RALGAPA1: variants seen among roughly 807,000 people sequenced by gnomAD.
RALGAPA1 encodes Ral GTPase activating protein catalytic subunit alpha 1.
A neutral mutation model predicts 269.6 loss-of-function variants in RALGAPA1; 52 were observed. That is an observed-to-expected ratio of 0.19 (90% CI 0.15 to 0.24). The LOEUF (loss-of-function observed/expected upper bound fraction) is 0.24, where lower values mean the gene tolerates loss of function less well. Ranked by LOEUF, RALGAPA1 falls within the 10% of genes least tolerant of loss-of-function variation. The pLI is 1.00. For synonymous variants in RALGAPA1, 817 were observed against 1,008.3 expected, an observed-to-expected ratio of 0.81 and a Z score of 3.60; for missense variants, 1,917 against 3,013.9, an observed-to-expected ratio of 0.64 and a Z score of 8.52.
At chr14:35,633,954 A>G (rs1354894055) in intron 33 of RALGAPA1, among the ~76,000 whole-genome samples, 2 of 152,166 alleles carry the variant, frequency 1.3e-5, no homozygotes, top group Non-Finnish European at 2.9e-5. Context: ...AGGGCTTTAC[A>G]TATATTATCT....
In RALGAPA1 at chr14:35,758,282, A is replaced by G. The variant is rs116082868; in HGVS notation, c.548-1374T>C. Among the ~76,000 whole-genome samples, 747 of 151,324 alleles carry G rather than the reference A, an allele frequency of 4.9e-3. 9 individuals are homozygous for G. Among genetic ancestry groups the G allele is most frequent in the African/African-American group, 0.017 (697 of 41,332 alleles). ...AAAAAAAAAACAAACCGAAAAGAAA[A>G]GAAGTAAGAAAATACAAACTTTATC... On this transcript the variant is annotated intron_variant, in intron 6 of 41. Coordinates refer to ENST00000680220, the MANE Select transcript of RALGAPA1 (RefSeq NM_001346249.2).
intron 35 of RALGAPA1, among the ~76,000 whole-genome samples, chr14:35,620,215 T>C (rs919465823): frequency 1.3e-5 from 2 of 152,030 alleles, no homozygotes; most frequent in African/African-American, 4.8e-5. Context: ...CATACGCAAA[T>C]CAATAAACGT....
intron 10 of RALGAPA1, among the ~76,000 whole-genome samples, chr14:35,743,247 A>T (rs1312579870): frequency 6.6e-6 from 1 of 152,262 alleles, no homozygotes; most frequent in East Asian, 1.9e-4. Flanking sequence ...ATCGTATTAT[A>T]AAATGTGAGA....
rs117454909 is a variant in RALGAPA1, at chr14:35,771,013, T to G, written c.268-14A>C. On this transcript the variant is annotated splice_polypyrimidine_tract_variant and intron_variant, in intron 3 of 41. Transcript: ENST00000680220. ...TTGTAAAATTTTCTAAAAATCAATA[T>G]AAAGAGAAAAAAAGAAAAGAATAAA... 15,366 of 1,195,354 alleles carry G rather than the reference T, an allele frequency of 0.013. 140 individuals carry two copies. The highest frequency in any genetic ancestry group is 0.014 in the Non-Finnish European group (12,057 of 842,762). 74.0% of individuals were successfully genotyped at this position (1,195,354 alleles called of 1,614,324 possible).
intron 35 of RALGAPA1, among the ~76,000 whole-genome samples, chr14:35,615,932 T>C (rs2060223117): frequency 6.6e-6 from 1 of 152,040 alleles, no homozygotes; most frequent in Non-Finnish European, 1.5e-5. Flanking sequence ...AAAGATTATG[T>C]TAGTGGTCAG....
At chr14:35,715,659 A>T in intron 16 of RALGAPA1, 1 of 893,148 alleles carries the variant, frequency 1.1e-6, no homozygotes, top group Non-Finnish European at 1.3e-6. Flanking sequence ...GAATTACTCC[A>T]GAGGTAATTT....
chr14:35,696,600 T>A (rs1337404305), intron 17 of RALGAPA1, among the ~76,000 whole-genome samples: 5 of 127,828 alleles, frequency 3.9e-5, no homozygotes, highest in Admixed American at 7.1e-5. Context: ...TAGATTTTGG[T>A]ACGTTAAAAA....
At chr14:35,562,538 T>TTAAG (rs547882375) in intron 39 of RALGAPA1, among the ~76,000 whole-genome samples, 740 of 152,192 alleles carry the variant, frequency 4.9e-3, no homozygotes, top group African/African-American at 0.016. Flanking sequence ...ATACTACTGA[T>TTAAG]TAAGTAGTCA....
rs2066142899 is a variant in RALGAPA1 at position 35,688,361 on chromosome 14, C to T, written c.3952+98G>A. On this transcript the variant is annotated intron_variant, in intron 18 of 41. Coordinates refer to ENST00000680220, the MANE Select transcript of RALGAPA1 (RefSeq NM_001346249.2). ...CAAACAGAGAGAAAGCAGTGACCAT[C>T]CCAAAGCTTTTTGATTGCTTATAGC... 3.2e-5 allele frequency: 44 copies of T among 1,388,976 alleles called. No homozygotes were observed. In the South Asian group the frequency reaches 5.3e-4, roughly 17 times the overall value. 86.0% of individuals were successfully genotyped at this position (1,388,976 alleles called of 1,614,324 possible). A position where few individuals can be genotyped will look rare whatever the true frequency, so the allele number is the denominator to read the frequency against.
Position 35,635,617 on chromosome 14 carries a change from C to CA in RALGAPA1, c.5677-20dup. On this transcript the variant is annotated intron_variant, in intron 31 of 41. Coordinates refer to ENST00000680220, the MANE Select transcript of RALGAPA1 (RefSeq NM_001346249.2). ...CTACCAACTGTAACAACAATAGAAT[C>CA]ATTATAATTGTACATTCATAAAATA... 1 of 1,528,092 alleles carries CA rather than the reference C, an allele frequency of 6.5e-7. No individual in the cohort carries two copies. The highest frequency in any genetic ancestry group is 8.8e-7 in the Non-Finnish European group (1 of 1,140,308). 94.7% of individuals were successfully genotyped at this position (1,528,092 alleles called of 1,614,324 possible). A position where few individuals can be genotyped will look rare whatever the true frequency, so the allele number is the denominator to read the frequency against.
chr14:35,683,768 A>C, intron 21 of RALGAPA1, 41 bp downstream of exon 21: 1 of 1,473,032 alleles, frequency 6.8e-7, no homozygotes, highest in Non-Finnish European at 9.2e-7. Flanking sequence ...TGAAGGCTTA[A>C]AAAATACATT....
chr14:35,773,514 A>G (rs1334681071), intron 3 of RALGAPA1, among the ~76,000 whole-genome samples: 1 of 152,148 alleles, frequency 6.6e-6, no homozygotes, highest in Non-Finnish European at 1.5e-5. Context: ...TTATTTTTAC[A>G]TATAAGGAAT....
chr14:35,545,267 A>G (rs1287810933), intron 41 of RALGAPA1, among the ~76,000 whole-genome samples: 2 of 152,264 alleles, frequency 1.3e-5, no homozygotes, highest in East Asian at 3.9e-4. Flanking sequence ...CTAAATTTTG[A>G]TGATCCATCC....
Position 35,699,865 on chromosome 14 carries a change from C to G in RALGAPA1, c.2407+297G>C, listed in dbSNP as rs528001783. ...AAATGTATACTACTACTTCTTTTAACCACCTGAGAGGAAGAAAAAAATCAA... is the reference window on the plus strand; with the variant it reads ...AAATGTATACTACTACTTCTTTTAAGCACCTGAGAGGAAGAAAAAAATCAA... On this transcript the variant is annotated intron_variant, in intron 17 of 41. Transcript: ENST00000680220. Among the ~76,000 whole-genome samples, 3 of 148,964 alleles carry G rather than the reference C, an allele frequency of 2.0e-5. No individual in the cohort carries two copies. In the East Asian group the frequency reaches 5.8e-4, roughly 29 times the overall value.
At chr14:35,644,229 T>C (rs1024522373) in intron 31 of RALGAPA1, among the ~76,000 whole-genome samples, 1 of 152,154 alleles carries the variant, frequency 6.6e-6, no homozygotes, top group Non-Finnish European at 1.5e-5. Context: ...TGAACTTACG[T>C]ATTAAGGATT....
Position 35,683,946 on chromosome 14 carries a change from G to A in RALGAPA1, c.4334C>T (p.Ala1445Val), listed in dbSNP as rs866471617. 2.5e-6 allele frequency: 4 copies of A among 1,613,146 alleles called. No homozygotes were observed. The Middle Eastern group carries it at 5.0e-4, about 200-fold the overall frequency. Residue 1445 changes from alanine (A) to valine (V), a missense_variant, in exon 21 of 42, where the codon GCT (alanine) becomes GTT (valine). Physicochemically the swap from Ala to Val is moderately conservative, Grantham distance 64 (BLOSUM62 0). Coordinates refer to ENST00000680220, the MANE Select transcript of RALGAPA1 (RefSeq NM_001346249.2). ...ATGGCCAGAACCTGAATCCACATCAGCAGAGGACGTAACCCCAGTGTCGGT... is the reference window on the plus strand; with the variant it reads ...ATGGCCAGAACCTGAATCCACATCAACAGAGGACGTAACCCCAGTGTCGGT... ...FGTDTGVTSS[A>V]DVDSGSGHHQ...
chr14:35,801,435 C>G (rs2076973655), intron 1 of RALGAPA1, among the ~76,000 whole-genome samples: 1 of 151,988 alleles, frequency 6.6e-6, no homozygotes, highest in Non-Finnish European at 1.5e-5. Flanking sequence ...GGTCCAGCTA[C>G]TTTTGTATTT....
intron 2 of RALGAPA1, 92 bp downstream of exon 2, chr14:35,775,543 A>G: frequency 2.1e-6 from 3 of 1,432,968 alleles, no homozygotes; most frequent in African/African-American, 1.5e-5. Context: ...CGACAAAAAT[A>G]AGTGAAACAA....
chr14:35,759,786 C>T (rs915920020), intron 6 of RALGAPA1, among the ~76,000 whole-genome samples: 2 of 151,762 alleles, frequency 1.3e-5, no homozygotes, highest in Non-Finnish European at 2.9e-5. Context: ...GTGGCACACA[C>T]CTGTAGTCCC....
Sources: allele counts gnomAD v4.1 joint callset (sites outside exome capture counted in the v4.1 genomes callset), GRCh38; gene constraint gnomAD v4.1.1; transcripts MANE v1.5; gene names NCBI Gene and HGNC (gene_info 2026-07-23, HGNC 2026-07-21).